MFSD8: variants seen among roughly 807,000 people sequenced by gnomAD.
MFSD8 encodes the protein major facilitator superfamily domain containing 8.
MFSD8 carries 55 observed loss-of-function variants against 66.4 expected under a neutral mutation model. That is an observed-to-expected ratio of 0.83 (90% CI 0.67 to 1.04). The LOEUF (loss-of-function observed/expected upper bound fraction) is 1.04. Among genes scored for constraint, MFSD8 ranks in the 50% least tolerant of loss-of-function variants. MFSD8 has a pLI of 0.00. For synonymous variants in MFSD8, 202 were observed against 212.8 expected, an observed-to-expected ratio of 0.95 and a Z score of 0.44; for missense variants, 550 against 627.6, an observed-to-expected ratio of 0.88 and a Z score of 1.32.
Position 127,930,721 on chromosome 4 carries a change from G to A in MFSD8, c.960C>T (p.Ala320=), listed in dbSNP as rs376954943. Residue 320 remains alanine, a synonymous_variant, in exon 9 of 12, where the codon GCC becomes GCT. Coordinates refer to ENST00000641686, the MANE Select transcript of MFSD8 (RefSeq NM_001371596.2). ...GIILAALGVE[A]VVIFLGVKLL... ...ACTTAACTCCTAAGAAAATAACAAC[G>A]GCTTCAACCCCAAGAGCAGCAAGTA... 2.2e-5 allele frequency: 36 copies of A among 1,612,838 alleles called. No homozygotes were observed. The East Asian group carries it at 3.1e-4, about 14-fold the overall frequency.
chr4:127,947,315 A>G (rs1405583952), intron 3 of MFSD8, among the ~76,000 whole-genome samples: 3 of 151,846 alleles, frequency 2.0e-5, no homozygotes, highest in African/African-American at 7.3e-5. Flanking sequence ...GCTTGAACCC[A>G]GGAGGTGGAA....
intron 2 of MFSD8, among the ~76,000 whole-genome samples, chr4:127,954,806 C>T (rs1742584037): frequency 6.6e-6 from 1 of 152,116 alleles, no homozygotes; most frequent in Non-Finnish European, 1.5e-5. Flanking sequence ...AACAAAAAAT[C>T]CAACTAATAA....
chr4:127,960,546 A>G (rs1280884777), intron 1 of MFSD8, among the ~76,000 whole-genome samples: 3 of 152,192 alleles, frequency 2.0e-5, no homozygotes, highest in South Asian at 2.1e-4. Context: ...ATAAATAAAT[A>G]AGAGAGAGAA....
Position 127,944,631 on chromosome 4 carries a change from T to C in MFSD8, c.199-639A>G, listed in dbSNP as rs193264514. 8.3e-4 allele frequency among the ~76,000 whole-genome samples: 126 copies of C among 152,280 alleles called. No homozygotes were observed. In the Middle Eastern group the frequency reaches 0.01, roughly 12 times the overall value. On this transcript the variant is annotated intron_variant, in intron 3 of 11. Transcript: ENST00000641686. ...ATACTTTCAGAAAAATAGAAAATGT[T>C]AGCTTAGAAAAGGCACTATTGTTTA...
chr4:127,950,506 A>G (rs1157322911), intron 2 of MFSD8, among the ~76,000 whole-genome samples: 1 of 152,092 alleles, frequency 6.6e-6, no homozygotes, highest in Non-Finnish European at 1.5e-5. Flanking sequence ...CCTGGCCAAC[A>G]TGGTGAAACC....
At chr4:127,951,180 TG>T (rs1250916442) in intron 2 of MFSD8, among the ~76,000 whole-genome samples, 3 of 152,150 alleles carry the variant, frequency 2.0e-5, no homozygotes, top group Admixed American at 6.5e-5. Context: ...ATAATCACAA[TG>T]GGTTTTAATA....
At chr4:127,946,324 T>C (rs936910230) in intron 3 of MFSD8, among the ~76,000 whole-genome samples, 6 of 152,176 alleles carry the variant, frequency 3.9e-5, no homozygotes, top group Admixed American at 3.3e-4. Flanking sequence ...TAATCACTAC[T>C]AATATCCTTC....
At chr4:127,933,207 A>C in intron 7 of MFSD8, 114 bp from the exon 8 acceptor site, 1 of 820,076 alleles carries the variant, frequency 1.2e-6, no homozygotes, top group Non-Finnish European at 2.0e-6. Flanking sequence ...ATTTAAAAAA[A>C]TTTTTAGGCT....
chr4:127,935,399 T>C (rs1051472391), intron 7 of MFSD8, among the ~76,000 whole-genome samples: 7 of 152,224 alleles, frequency 4.6e-5, no homozygotes, highest in Admixed American at 3.9e-4. Flanking sequence ...TCCTAGACTA[T>C]GGGGATTGAC....
intron 7 of MFSD8, among the ~76,000 whole-genome samples, chr4:127,938,183 A>C (rs1739385285): frequency 6.6e-6 from 1 of 152,212 alleles, no homozygotes; most frequent in African/African-American, 2.4e-5. Context: ...AAATCATTGC[A>C]AATATCTCAA....
intron 1 of MFSD8, among the ~76,000 whole-genome samples, chr4:127,960,866 C>T (rs893918374): frequency 1.3e-4 from 20 of 152,090 alleles, no homozygotes; most frequent in African/African-American, 4.6e-4. Context: ...CATTAACAAA[C>T]CTATATTATA....
At chr4:127,959,434 A>G (rs1743391130) in intron 1 of MFSD8, among the ~76,000 whole-genome samples, 2 of 152,298 alleles carry the variant, frequency 1.3e-5, no homozygotes, top group Non-Finnish European at 2.9e-5. Context: ...TATTTTTGGA[A>G]CAATTGGAAA....
intron 2 of MFSD8, among the ~76,000 whole-genome samples, chr4:127,951,713 G>A (rs1741994810): frequency 6.7e-6 from 1 of 149,922 alleles, no homozygotes; most frequent in Non-Finnish European, 1.5e-5. Context: ...CTTTTGTCTT[G>A]TCTTCTTTCA....
At position 127,921,638 on chromosome 4, in the gene MFSD8, C is replaced by T. The variant is rs767048437; in HGVS notation, c.1236G>A (p.Pro412=). 3.7e-6 allele frequency: 6 copies of T among 1,614,140 alleles called. No homozygotes were observed. The Admixed American group carries it at 6.7e-5, about 18-fold the overall frequency. Residue 412 remains proline, a synonymous_variant, in exon 11 of 12, where the codon CCG becomes CCA. Coordinates refer to ENST00000641686, the MANE Select transcript of MFSD8 (RefSeq NM_001371596.2). ...TAAGGAACTGGGCCAGATGAATCAC[C>T]GGGGTGTAGAGGCACCAGGCTTGTT... ...SIEQAWCLYT[P]VIHLAQFLTS... is the part of the protein sequence containing the mutation.
Position 127,933,201 on chromosome 4 carries a change from A to T in MFSD8, c.755-108T>A, listed in dbSNP as rs1738457874. 4.4e-6 allele frequency: 4 copies of T among 915,312 alleles called. No homozygotes were observed. The Admixed American group carries it at 7.5e-5, about 17-fold the overall frequency. The allele number at this position is 915,312 out of a possible 1,614,324, so 56.7% of individuals were successfully genotyped here. On this transcript the variant is annotated intron_variant, in intron 7 of 11. Coordinates refer to ENST00000641686, the MANE Select transcript of MFSD8 (RefSeq NM_001371596.2). The stretch of plus-strand genomic sequence containing the variant: ...TAGCAAAATTTATAAATAAACATTT[A>T]AAAAAATTTTTAGGCTTCAAAGTAG...
At chr4:127,933,240 G>T (rs953879116) in intron 7 of MFSD8, 147 bp from the exon 8 acceptor site, 11 of 635,814 alleles carry the variant, frequency 1.7e-5, no homozygotes, top group Non-Finnish European at 2.2e-5. Context: ...AATAATAAGA[G>T]AATTTGTTTA....
chr4:127,951,574 A>G (rs765513426), intron 2 of MFSD8, among the ~76,000 whole-genome samples: 2 of 152,120 alleles, frequency 1.3e-5, no homozygotes, highest in African/African-American at 2.4e-5. Context: ...AAAAAACTCT[A>G]TACCCTTCAG....
chr4:127,951,686 A>G (rs948398640), intron 2 of MFSD8, among the ~76,000 whole-genome samples: 1 of 151,970 alleles, frequency 6.6e-6, no homozygotes, highest in African/African-American at 2.4e-5. Flanking sequence ...TACAAATAGA[A>G]TAATATAATA....
chr4:127,944,211 G>C (rs187467221), intron 3 of MFSD8, among the ~76,000 whole-genome samples: 51 of 152,216 alleles, frequency 3.4e-4, no homozygotes, highest in African/African-American at 1.7e-4. Flanking sequence ...TGCTTGGGAG[G>C]CTCATTTTTA....
Sources: gnomAD v4.1 joint callset for allele counts (sites outside exome capture counted in the v4.1 genomes callset) on GRCh38, gnomAD v4.1.1 for gene constraint, MANE v1.5 for transcripts, NCBI Gene and HGNC (gene_info 2026-07-23, HGNC 2026-07-21) for gene names.